POT1: variants seen among roughly 807,000 people sequenced by gnomAD.
POT1 encodes protection of telomeres protein 1.
Under a neutral mutation model 78.5 loss-of-function variants are expected in POT1, and 47 were observed. The ratio of observed to expected loss-of-function variants is 0.60; its 90% CI spans 0.47 to 0.76. POT1 has a LOEUF of 0.76. Among genes scored for constraint, POT1 ranks in the 30% least tolerant of loss-of-function variants. The pLI is 0.00. For missense variants in POT1, 646 were observed against 749.9 expected, an observed-to-expected ratio of 0.86 and a Z score of 1.62; for synonymous variants, 259 against 260.7, an observed-to-expected ratio of 0.99 and a Z score of 0.06.
intron 14 of POT1, among the ~76,000 whole-genome samples, chr7:124,840,135 T>G (rs1324070086): frequency 6.6e-6 from 1 of 152,006 alleles, no homozygotes; most frequent in African/African-American, 2.4e-5. Flanking sequence ...GTACATTTGT[T>G]AAAAATGAAC....
rs377118025 is a variant in POT1, at chr7:124,852,002, G to C, written c.870-51C>G. On this transcript the variant is annotated intron_variant, in intron 10 of 18. Coordinates refer to ENST00000357628, the MANE Select transcript of POT1 (RefSeq NM_015450.3). ...AATTGCATAAAACAAAGTCAATATA[G>C]TAAATTTAGCTCTACCCACAAAATC... is the stretch of plus-strand genomic sequence containing the variant. 8.5e-6 allele frequency: 11 copies of C among 1,292,958 alleles called. No homozygotes were observed. The South Asian group carries it at 8.8e-5, about 10-fold the overall frequency. The allele number at this position is 1,292,958 out of a possible 1,614,324, so 80.1% of individuals were successfully genotyped here.
chr7:124,871,155 C>T (rs995435115), intron 6 of POT1, 114 bp from the exon 7 acceptor site: 1 of 858,548 alleles, frequency 1.2e-6, no homozygotes, highest in African/African-American at 1.7e-5. Context: ...ATTAAGTCTT[C>T]TAAGAGGATT....
intron 9 of POT1, among the ~76,000 whole-genome samples, chr7:124,854,511 C>T (rs1795395306): frequency 6.6e-6 from 1 of 151,734 alleles, no homozygotes; most frequent in Non-Finnish European, 1.5e-5. Flanking sequence ...ATTATATTTC[C>T]CCTCATTACT....
In POT1 at chr7:124,825,373, T is replaced by G. The variant is rs752082614; in HGVS notation, c.1687-16A>C. 2.0e-6 allele frequency: 3 copies of G among 1,509,518 alleles called. No individual in the cohort carries two copies. Among genetic ancestry groups the G allele is most frequent in the Non-Finnish European group, 2.7e-6 (3 of 1,100,208 alleles). 93.5% of individuals were successfully genotyped at this position (1,509,518 alleles called of 1,614,324 possible). A position where few individuals can be genotyped will look rare whatever the true frequency, so the allele number is the denominator to read the frequency against. ...AGAATTTGTCCTTAAAAATGTTTCA[T>G]GAGAGAAAAAAAAAGGAAATAATAT... On this transcript the variant is annotated splice_polypyrimidine_tract_variant and intron_variant, in intron 17 of 18. Coordinates refer to ENST00000357628, the MANE Select transcript of POT1 (RefSeq NM_015450.3).
At chr7:124,878,202 C>G (rs867758249) in intron 6 of POT1, among the ~76,000 whole-genome samples, 1 of 151,888 alleles carries the variant, frequency 6.6e-6, no homozygotes, top group East Asian at 1.9e-4. Flanking sequence ...TGTGGTGGTG[C>G]GTGCCTGTAA....
intron 16 of POT1, among the ~76,000 whole-genome samples, chr7:124,827,761 C>T (rs1794666762): frequency 6.6e-6 from 1 of 152,144 alleles, no homozygotes; most frequent in Non-Finnish European, 1.5e-5. Flanking sequence ...GACACCCTCA[C>T]ACCTGTATTC....
intron 3 of POT1, among the ~76,000 whole-genome samples, chr7:124,910,424 C>T (rs555873258): frequency 5.3e-5 from 8 of 151,932 alleles, no homozygotes; most frequent in Non-Finnish European, 8.8e-5. Context: ...GTGCTTATCA[C>T]CATCATCACA....
chr7:124,864,852 C>T (rs749664908), intron 7 of POT1, among the ~76,000 whole-genome samples: 3 of 152,036 alleles, frequency 2.0e-5, no homozygotes, highest in Non-Finnish European at 2.9e-5. Flanking sequence ...AATTAAATTA[C>T]GGAAAGAAAA....
At chr7:124,897,977 G>A (rs972375128) in intron 4 of POT1, among the ~76,000 whole-genome samples, 1 of 151,918 alleles carries the variant, frequency 6.6e-6, no homozygotes, top group African/African-American at 2.4e-5. Context: ...CAAAGTGCCT[G>A]ATGGCATAAT....
At chr7:124,841,940 G>A (rs1469591463) in intron 13 of POT1, among the ~76,000 whole-genome samples, 1 of 151,808 alleles carries the variant, frequency 6.6e-6, no homozygotes, top group African/African-American at 2.4e-5. Context: ...GGTAAAAACA[G>A]TTCCCTCACA....
Position 124,851,859 on chromosome 7 carries a change from A to C in POT1, c.949+13T>G. The C allele has an allele frequency of 6.4e-7, 1 of 1,557,090 alleles. No homozygotes were observed. On this transcript the variant is annotated intron_variant, in intron 11 of 18. Transcript: ENST00000357628. The stretch of plus-strand genomic sequence containing the variant: ...GCAAGAACTAAACTGTCAATGTTAA[A>C]GATTATCCTTACTTGGAAAGCTGTC...
At chr7:124,845,772 G>A (rs1432724908) in intron 12 of POT1, among the ~76,000 whole-genome samples, 1 of 151,396 alleles carries the variant, frequency 6.6e-6, no homozygotes, top group East Asian at 1.9e-4. Flanking sequence ...CTTTAAGAAA[G>A]ATATTTCCAC....
intron 3 of POT1, among the ~76,000 whole-genome samples, chr7:124,907,898 C>T (rs1438593872): frequency 6.6e-6 from 1 of 151,944 alleles, no homozygotes. Flanking sequence ...TGCATATTAA[C>T]AAATATGGTT....
intron 3 of POT1, among the ~76,000 whole-genome samples, chr7:124,912,425 C>T (rs1380438877): frequency 6.6e-6 from 1 of 152,154 alleles, no homozygotes; most frequent in Non-Finnish European, 1.5e-5. Context: ...AGGATCACTT[C>T]ACATCACTTC....
In POT1 at chr7:124,825,212, A is replaced by C. The variant is rs371196958; in HGVS notation, c.1792+40T>G. The C allele has an allele frequency of 4.3e-5, 58 of 1,354,954 alleles. No individual in the cohort carries two copies. The African/African-American group carries it at 6.8e-4, about 16-fold the overall frequency. The allele number at this position is 1,354,954 out of a possible 1,614,324, so 83.9% of individuals were successfully genotyped here. A position where few individuals can be genotyped will look rare whatever the true frequency, so the allele number is the denominator to read the frequency against. ...GTACATATATGTTAGTGCTATCTCA[A>C]GTAAAAGAAGTGTGGGATTGTTAAA... is the stretch of plus-strand genomic sequence containing the variant. On this transcript the variant is annotated intron_variant, in intron 18 of 18. Coordinates refer to ENST00000357628, the MANE Select transcript of POT1 (RefSeq NM_015450.3).
At chr7:124,871,731 A>AT (rs5887205) in intron 6 of POT1, among the ~76,000 whole-genome samples, 18,206 of 144,896 alleles carry the variant, frequency 0.13, 2,247 homozygotes, top group East Asian at 0.31. Context: ...CTGCCTTAAA[A>AT]TTTTTTTTTT....
chr7:124,888,367 A>G (rs1422396559), intron 6 of POT1, among the ~76,000 whole-genome samples: 1 of 152,060 alleles, frequency 6.6e-6, no homozygotes, highest in Non-Finnish European at 1.5e-5. Flanking sequence ...CAATACTGTT[A>G]CTTTTTAACG....
chr7:124,903,506 C>T (rs572589426), intron 3 of POT1, among the ~76,000 whole-genome samples: 4 of 152,294 alleles, frequency 2.6e-5, no homozygotes, highest in African/African-American at 7.2e-5. Context: ...ACCAGCATCT[C>T]TGGGACACAT....
chr7:124,877,579 G>A (rs1052825008), intron 6 of POT1, among the ~76,000 whole-genome samples: 5 of 151,824 alleles, frequency 3.3e-5, no homozygotes, highest in African/African-American at 1.2e-4. Flanking sequence ...GCTCACACCT[G>A]TAATCCCACC....
Sources: gnomAD v4.1 joint callset for allele counts (sites outside exome capture counted in the v4.1 genomes callset) on GRCh38, gnomAD v4.1.1 for gene constraint, MANE v1.5 for transcripts, NCBI Gene and HGNC (gene_info 2026-07-23, HGNC 2026-07-21) for gene names.